The following WARS1 variants were observed in gnomAD, a reference collection of about 807,000 sequenced individuals.
WARS1 encodes tryptophan--tRNA ligase, cytoplasmic.
Under a neutral mutation model 47.8 loss-of-function variants are expected in WARS1, and 17 were observed. That is an observed-to-expected ratio of 0.36 (90% CI 0.24 to 0.53). The LOEUF (loss-of-function observed/expected upper bound fraction) is 0.53. WARS1 is among the 20% of genes least tolerant of loss of function. The probability of loss-of-function intolerance (pLI) is 0.91; values close to 1 mark genes in which losing one functional copy is unlikely to be tolerated. For missense variants in WARS1, 434 were observed against 608.0 expected (o/e 0.71, Z 3.01); for synonymous variants, 208 against 228.1 (o/e 0.91, Z 0.79).
At chr14:100,357,436 A>G (rs1895391082) in intron 4 of WARS1, among the ~76,000 whole-genome samples, 1 of 152,192 alleles carries the variant, frequency 6.6e-6, no homozygotes, top group Non-Finnish European at 1.5e-5. Flanking sequence ...ATTTCAGGAT[A>G]TAAGATTAAT....
Position 100,342,458 on chromosome 14 carries a change from A to G in WARS1, c.1053T>C (p.Ser351=). Residue 351 remains serine, a synonymous_variant, in exon 9 of 11, where the codon AGT becomes AGC. Coordinates refer to ENST00000392882, the MANE Select transcript of WARS1 (RefSeq NM_004184.4). ...AGATGGAGGAGTTGGGGTCGCTGGC[A>G]CTCATTTTGGTCTGGGCGCCCTGCA... The part of the protein sequence containing the change: ...PALQGAQTKM[S]ASDPNSSIFL... 1 of 1,613,848 alleles carries G rather than the reference A, an allele frequency of 6.2e-7. No homozygotes were observed. The highest frequency in any genetic ancestry group is 1.3e-5 in the African/African-American group (1 of 74,946).
rs534042957 is a variant in WARS1, at chr14:100,374,759, A to G, written c.-74+524T>C. 1.5e-4 allele frequency: 23 copies of G among 152,274 alleles called. No individual in the cohort carries two copies. The East Asian group carries it at 3.9e-3, about 26-fold the overall frequency. The allele number at this position is 152,274 out of a possible 1,614,324, so 9.4% of individuals were successfully genotyped here. On this transcript the variant is annotated intron_variant, in intron 1 of 10. Coordinates refer to ENST00000392882, the MANE Select transcript of WARS1 (RefSeq NM_004184.4). The stretch of plus-strand genomic sequence containing the variant: ...ACCATCCTTTCTATCTTGGCCCCAG[A>G]GTGTAGGTGACAATACCTTTGGACT...
intron 2 of WARS1, among the ~76,000 whole-genome samples, chr14:100,363,720 T>A (rs1394345771): frequency 6.6e-6 from 1 of 152,052 alleles, no homozygotes; most frequent in African/African-American, 2.4e-5. Flanking sequence ...GAACATCAGT[T>A]TTTTTTAGAC....
chr14:100,351,247 T>G (rs1443224884), intron 6 of WARS1, among the ~76,000 whole-genome samples: 1 of 152,172 alleles, frequency 6.6e-6, no homozygotes, highest in Non-Finnish European at 1.5e-5. Context: ...CCAGCAGCAC[T>G]GCCTGACTGG....
In WARS1 at chr14:100,360,074, C is replaced by A. The variant is rs55730155; in HGVS notation, c.422+480G>T. ...CCTGCCCATATCTTGACGTTATCTG[C>A]GTGGAATTTACGGCCTAAGGTACAG... On this transcript the variant is annotated intron_variant, in intron 4 of 10. Transcript: ENST00000392882. Among the ~76,000 whole-genome samples, 1,183 of 152,242 alleles carry A rather than the reference C, an allele frequency of 7.8e-3. 5 individuals carry two copies. The highest frequency in any genetic ancestry group is 0.012 in the Non-Finnish European group (827 of 68,014).
chr14:100,344,476 C>T (rs960349224), intron 7 of WARS1, among the ~76,000 whole-genome samples: 28 of 152,200 alleles, frequency 1.8e-4, no homozygotes, highest in African/African-American at 6.3e-4. Context: ...CCCAAAGTGC[C>T]GAGATTGCAG....
intron 10 of WARS1, among the ~76,000 whole-genome samples, chr14:100,336,110 C>A (rs1022757418): frequency 9.9e-5 from 15 of 151,778 alleles, no homozygotes; most frequent in Non-Finnish European, 2.1e-4. Flanking sequence ...CCTGTCTCTA[C>A]TAAAAATACA....
chr14:100,364,837 G>A (rs184996132), intron 2 of WARS1, among the ~76,000 whole-genome samples: 35 of 152,220 alleles, frequency 2.3e-4, no homozygotes, highest in Admixed American at 1.8e-3. Context: ...TAACCCCACT[G>A]GGTCTTTTAT....
intron 9 of WARS1, chr14:100,342,142 G>C: frequency 2.4e-6 from 1 of 412,644 alleles, no homozygotes; most frequent in Non-Finnish European, 4.3e-6. Context: ...AAGAAAAGCA[G>C]AAAAGGAAAA....
In WARS1 at chr14:100,335,524, C is replaced by G. The variant is rs1893661847; in HGVS notation, c.1255-488G>C. 2.0e-5 allele frequency among the ~76,000 whole-genome samples: 3 copies of G among 151,992 alleles called. No homozygotes were observed. The South Asian group carries it at 6.2e-4, about 32-fold the overall frequency. On this transcript the variant is annotated intron_variant, in intron 10 of 10. Coordinates refer to ENST00000392882, the MANE Select transcript of WARS1 (RefSeq NM_004184.4). ...TCCTGAGTAGCTGGGATTACAGGTG[C>G]CTGCCACCACGCCTGGCTAATTTTT... is the stretch of plus-strand genomic sequence containing the variant.
intron 6 of WARS1, among the ~76,000 whole-genome samples, chr14:100,350,790 C>T (rs564205448): frequency 1.3e-5 from 2 of 152,282 alleles, no homozygotes; most frequent in East Asian, 1.9e-4. Context: ...CACACTGTAC[C>T]AGATGTGGCA....
intron 2 of WARS1, among the ~76,000 whole-genome samples, chr14:100,367,608 C>CAAAAAAA (rs35916618): frequency 1.3e-4 from 4 of 29,764 alleles, no homozygotes; most frequent in Non-Finnish European, 1.7e-4. Context: ...GGTGGGGTGG[C>CAAAAAAA]AAAAAAAAAA....
intron 6 of WARS1, among the ~76,000 whole-genome samples, chr14:100,350,834 G>C (rs1566849146): frequency 6.6e-6 from 1 of 152,174 alleles, no homozygotes; most frequent in Non-Finnish European, 1.5e-5. Flanking sequence ...GGACCAGAGA[G>C]GGGCATCTAA....
Position 100,373,951 on chromosome 14 carries a change from T to C in WARS1, c.-74+1332A>G, listed in dbSNP as rs1363886039. 1.3e-5 allele frequency: 2 copies of C among 152,168 alleles called. No homozygotes were observed. The highest frequency in any genetic ancestry group is 2.9e-5 in the Non-Finnish European group (2 of 68,026). 9.4% of individuals were successfully genotyped at this position (152,168 alleles called of 1,614,324 possible). ...CACGCATTTATGAGTTTACCCCATT[T>C]CCTGTGTAAATGTTCTTCTTCCCCC... On this transcript the variant is annotated intron_variant, in intron 1 of 10. Transcript: ENST00000392882. This position sits in a 1 kb window ranked among gnomAD's most constrained non-coding sequence, Gnocchi z 4.4.
intron 5 of WARS1, 180 bp from the exon 6 acceptor site, chr14:100,354,049 A>G: frequency 3.3e-6 from 2 of 614,968 alleles, no homozygotes; most frequent in Non-Finnish European, 5.6e-6. Context: ...ACTACCATTT[A>G]TCGACCAGGT....
chr14:100,366,152 G>A (rs1017151618), intron 2 of WARS1: 17 of 455,510 alleles, frequency 3.7e-5, no homozygotes, highest in African/African-American at 3.4e-4. Context: ...GGCACTGGCA[G>A]CACACAGAGA....
At chr14:100,376,303 C>G, upstream of WARS1, 1 of 1,053,822 alleles carries the variant, frequency 9.5e-7, no homozygotes, top group Non-Finnish European at 1.2e-6. Flanking sequence ...CAGCAACCGG[C>G]TGTCTCCTGG....
intron 9 of WARS1, among the ~76,000 whole-genome samples, chr14:100,339,223 C>G (rs1473393650): frequency 1.3e-5 from 2 of 152,202 alleles, no homozygotes; most frequent in East Asian, 3.9e-4. Flanking sequence ...GGCAAAGGCG[C>G]CTGTCTCCAT....
intron 9 of WARS1, among the ~76,000 whole-genome samples, chr14:100,337,688 CA>C (rs35725702): frequency 4.8e-4 from 55 of 114,388 alleles, no homozygotes; most frequent in African/African-American, 5.9e-4. Context: ...TCCTCTCTGC[CA>C]AAAAAAAAAA....
Sources: gnomAD v4.1 joint callset for allele counts (sites outside exome capture counted in the v4.1 genomes callset) on GRCh38, gnomAD v4.1.1 for gene constraint, Gnocchi (gnomAD v3.1) non-coding constraint, MANE v1.5 for transcripts, NCBI Gene and HGNC (gene_info 2026-07-23, HGNC 2026-07-21) for gene names.